The following TJP1 variants were observed in gnomAD, a reference collection of about 807,000 sequenced individuals.
TJP1 encodes tight junction protein ZO-1.
Under a neutral mutation model 194.2 loss-of-function variants are expected in TJP1, and 43 were observed. That is an observed-to-expected ratio of 0.22 (90% CI 0.17 to 0.29). The LOEUF (loss-of-function observed/expected upper bound fraction) is 0.29, where lower values mean the gene tolerates loss of function less well. Among genes scored for constraint, TJP1 ranks in the 10% least tolerant of loss-of-function variants. The pLI is 1.00. For synonymous variants in TJP1, 801 were observed against 779.0 expected (o/e 1.03, Z -0.47); for missense variants, 1,971 against 2,185.7 (o/e 0.90, Z 1.96).
chr15:29,952,706 A>G (rs974833734), intron 2 of TJP1, among the ~76,000 whole-genome samples: 2 of 152,228 alleles, frequency 1.3e-5, no homozygotes, highest in African/African-American at 2.4e-5. Flanking sequence ...ATATGTATAT[A>G]TGCCAGGAGA....
intron 2 of TJP1, among the ~76,000 whole-genome samples, chr15:29,902,300 A>T (rs2053658631): frequency 6.6e-6 from 1 of 152,194 alleles, no homozygotes; most frequent in Non-Finnish European, 1.5e-5. Flanking sequence ...GCTTGGAAAA[A>T]ATATAGACTA....
At chr15:29,917,833 CAT>C (rs1291122745) in intron 2 of TJP1, among the ~76,000 whole-genome samples, 1 of 152,204 alleles carries the variant, frequency 6.6e-6, no homozygotes, top group Non-Finnish European at 1.5e-5. Flanking sequence ...GTAAAATACA[CAT>C]AACATAAAAT....
intron 2 of TJP1, among the ~76,000 whole-genome samples, chr15:29,851,821 C>G (rs984787619): frequency 3.3e-5 from 5 of 152,206 alleles, no homozygotes; most frequent in African/African-American, 1.2e-4. Context: ...CATCTGCCTT[C>G]TACCTATATC....
downstream of TJP1, chr15:29,699,790 A>G (rs1347069146): frequency 1.3e-5 from 2 of 153,160 alleles, no homozygotes; most frequent in African/African-American, 4.8e-5. Context: ...TGCCCGTGCT[A>G]TTTATCTGGG....
intron 8 of TJP1, among the ~76,000 whole-genome samples, chr15:29,754,624 C>G (rs867093525): frequency 6.6e-6 from 1 of 152,138 alleles, no homozygotes; most frequent in African/African-American, 2.4e-5. Flanking sequence ...TAATTTTTAG[C>G]CTATTGGCAA....
chr15:29,963,499 CTT>C (rs1157497560), intron 1 of TJP1, among the ~76,000 whole-genome samples: 1 of 152,096 alleles, frequency 6.6e-6, no homozygotes, highest in African/African-American at 2.4e-5. Context: ...AATAGCAACT[CTT>C]ATTGTTTTTG....
rs979194768 is a variant in TJP1, at chr15:29,760,230, C to T, written c.1010+909G>A. 7 of 702,132 alleles carry T rather than the reference C, an allele frequency of 1.0e-5. No homozygotes were observed. The African/African-American group carries it at 1.0e-4, about 11-fold the overall frequency. The allele number at this position is 702,132 out of a possible 1,614,324, so 43.5% of individuals were successfully genotyped here. ...AGTCTCCAGAAATTGTATGCAATTG[C>T]TGCGTGTATGTGCACATGCACATTT... On this transcript the variant is annotated intron_variant, in intron 8 of 27. Coordinates refer to ENST00000614355, the MANE Select transcript of TJP1 (RefSeq NM_001330239.4).
chr15:29,852,916 A>C (rs557203910), intron 2 of TJP1, among the ~76,000 whole-genome samples: 3 of 152,096 alleles, frequency 2.0e-5, no homozygotes, highest in Admixed American at 6.5e-5. Context: ...AAAAAAAAAA[A>C]CAAAAAAACT....
chr15:29,956,283 C>A (rs1381374173), exon 2 of TJP1: 3 of 1,288,944 alleles, frequency 2.3e-6, no homozygotes, highest in African/African-American at 3.0e-5. Flanking sequence ...TGTGTAATCT[C>A]CCTTTAATTC....
chr15:29,873,843 C>G (rs1242954569), intron 2 of TJP1, among the ~76,000 whole-genome samples: 1 of 152,148 alleles, frequency 6.6e-6, no homozygotes, highest in East Asian at 1.9e-4. Context: ...CTCTCCAAAT[C>G]TAGAAATCCT....
rs199933497 is a variant in TJP1, at chr15:29,701,586, T to C, written c.*9A>G. Reference sequence around the variant, plus strand: ...GTTTCACATTATTTAAGTTCCTATATTTCAAGAGTTAAAAGTGGTCAATAA... The same window carrying C: ...GTTTCACATTATTTAAGTTCCTATACTTCAAGAGTTAAAAGTGGTCAATAA... On this transcript the variant is annotated 3_prime_UTR_variant, in exon 28 of 28. Transcript: ENST00000614355. 23 of 1,604,266 alleles carry C rather than the reference T, an allele frequency of 1.4e-5. No individual in the cohort carries two copies. In the East Asian group the frequency reaches 4.9e-4, roughly 34 times the overall value.
In TJP1 at chr15:29,737,282, T is replaced by C; in HGVS notation, c.1389A>G (p.Glu463=). ...GACATACCCTGAGAATTTGATCACC[T>C]TCCTCTAAGCCTTCCTTGGCTGCAG... ...DSPAAKEGLE[E]GDQILRVNNV... Residue 463 remains glutamate, a synonymous_variant, in exon 11 of 28, where the codon GAA becomes GAG. Transcript: ENST00000614355. 6.2e-7 allele frequency: 1 copy of C among 1,614,058 alleles called. No individual in the cohort carries two copies. Among genetic ancestry groups the C allele is most frequent in the Non-Finnish European group, 8.5e-7 (1 of 1,179,962 alleles).
chr15:29,919,037 T>A (rs1036525199), intron 2 of TJP1, among the ~76,000 whole-genome samples: 1 of 152,170 alleles, frequency 6.6e-6, no homozygotes, highest in African/African-American at 2.4e-5. Context: ...AATGTCACCA[T>A]GCCGGGAATA....
intron 18 of TJP1, among the ~76,000 whole-genome samples, chr15:29,724,610 T>A (rs1352363722): frequency 1.3e-5 from 2 of 152,228 alleles, no homozygotes; most frequent in Admixed American, 1.3e-4. Context: ...TATGTAAGAC[T>A]GTGTCAGATC....
chr15:29,805,193 T>C (rs1032870362), intron 1 of TJP1, among the ~76,000 whole-genome samples: 2 of 152,218 alleles, frequency 1.3e-5, no homozygotes, highest in African/African-American at 2.4e-5. Context: ...AAAAGCTGTA[T>C]TTCACAATCT....
At chr15:29,787,313 T>G (rs1271201833) in intron 2 of TJP1, among the ~76,000 whole-genome samples, 1 of 152,088 alleles carries the variant, frequency 6.6e-6, no homozygotes, top group Non-Finnish European at 1.5e-5. Flanking sequence ...GAACCATAGG[T>G]CTAAGTATAA....
chr15:29,950,336 GCCA>G lies in TJP1; in HGVS notation c.306+5893_306+5895del, dbSNP rs570012976. On this transcript the variant is annotated intron_variant, in intron 2 of 28. Transcript: ENST00000356107. ...CACCTCCTTCACCACCACTTCCTGT[GCCA>G]CCACCACCACCTCCATTACCACTAC... Among the ~76,000 whole-genome samples, 576 of 121,800 alleles carry G rather than the reference GCCA, an allele frequency of 4.7e-3. 7 individuals are homozygous for G. The highest frequency in any genetic ancestry group is 0.018 in the African/African-American group (544 of 30,958). 79.9% of individuals were successfully genotyped at this position (121,800 alleles called of 152,430 possible). A position where few individuals can be genotyped will look rare whatever the true frequency, so the allele number is the denominator to read the frequency against.
At chr15:29,838,285 TGTG>T (rs1320525907) in intron 2 of TJP1, among the ~76,000 whole-genome samples, 1 of 152,012 alleles carries the variant, frequency 6.6e-6, no homozygotes, top group Admixed American at 6.6e-5. Flanking sequence ...ATTAGCCAGG[TGTG>T]GTGGTGCACA....
At chr15:29,811,295 G>A (rs568118227) in intron 1 of TJP1, among the ~76,000 whole-genome samples, 3 of 152,076 alleles carry the variant, frequency 2.0e-5, no homozygotes, top group Admixed American at 6.6e-5. Context: ...GTAGCGGGGC[G>A]GGGGAGAGCG....
Sources: gnomAD v4.1 joint callset for allele counts (sites outside exome capture counted in the v4.1 genomes callset) on GRCh38, gnomAD v4.1.1 for gene constraint, MANE v1.5 for transcripts, NCBI Gene and HGNC (gene_info 2026-07-23, HGNC 2026-07-21) for gene names.